Variants in ARID1B observed in about 807,000 individuals in gnomAD.
The protein encoded by ARID1B is AT-rich interactive domain-containing protein 1B.
In ARID1B, 30 loss-of-function variants were observed where a neutral mutation model predicts 212.3. That is an observed-to-expected ratio of 0.14 (90% CI 0.11 to 0.19). The LOEUF (loss-of-function observed/expected upper bound fraction) is 0.19, where lower values mean the gene tolerates loss of function less well. Among genes scored for constraint, ARID1B ranks in the 10% least tolerant of loss-of-function variants. ARID1B has a pLI of 1.00. For missense variants in ARID1B, 2,891 were observed against 3,204.0 expected, an observed-to-expected ratio of 0.90 and a Z score of 2.36; for synonymous variants, 1,402 against 1,301.7, an observed-to-expected ratio of 1.08 and a Z score of -1.66.
At chr6:157,037,345 G>C (rs1302327855) in intron 4 of ARID1B, among the ~76,000 whole-genome samples, 1 of 152,188 alleles carries the variant, frequency 6.6e-6, no homozygotes, top group Non-Finnish European at 1.5e-5. Context: ...ATGACCAGCT[G>C]ACAGATCTAA....
chr6:156,826,302 A>G (rs1782736125), intron 1 of ARID1B, among the ~76,000 whole-genome samples: 1 of 152,190 alleles, frequency 6.6e-6, no homozygotes, highest in Admixed American at 6.5e-5. Context: ...TCCTATAGGA[A>G]GCCTTTGTTA....
intron 3 of ARID1B, among the ~76,000 whole-genome samples, chr6:156,919,607 A>G (rs1790623693): frequency 6.6e-6 from 1 of 152,242 alleles, no homozygotes; most frequent in Non-Finnish European, 1.5e-5. Flanking sequence ...AATGTGGAGG[A>G]GATCACATCA....
intron 4 of ARID1B, among the ~76,000 whole-genome samples, chr6:157,077,936 T>G (rs1393127245): frequency 2.0e-5 from 3 of 152,166 alleles, no homozygotes; most frequent in Admixed American, 2.0e-4. Context: ...TTATTCAGTA[T>G]CTCACTTTTT....
intron 4 of ARID1B, among the ~76,000 whole-genome samples, chr6:157,011,219 A>G (rs1253145559): frequency 1.3e-5 from 2 of 152,224 alleles, no homozygotes; most frequent in Non-Finnish European, 2.9e-5. Flanking sequence ...AAGCATGTAT[A>G]TATTATCGAC....
intron 4 of ARID1B, among the ~76,000 whole-genome samples, chr6:157,056,859 T>A (rs988305100): frequency 2.0e-5 from 3 of 151,438 alleles, no homozygotes; most frequent in African/African-American, 7.3e-5. Context: ...TAACTTTTTT[T>A]GTTAAAACTT....
chr6:157,175,163 ATAT>A (rs1792014769), intron 11 of ARID1B, 158 bp downstream of exon 11: 1 of 605,924 alleles, frequency 1.7e-6, no homozygotes, highest in East Asian at 3.8e-5. Flanking sequence ...ATAAATAATA[ATAT>A]TAGTGACAAA....
chr6:156,878,053 C>A (rs1448805929), intron 2 of ARID1B, among the ~76,000 whole-genome samples: 1 of 152,048 alleles, frequency 6.6e-6, no homozygotes, highest in Non-Finnish European at 1.5e-5. Context: ...TACGTAAGAT[C>A]TTTTGAAGGG....
chr6:157,208,091 A>AT lies in ARID1B; in HGVS notation c.*201dup. 2 of 557,736 alleles carry AT rather than the reference A, an allele frequency of 3.6e-6. No individual in the cohort carries two copies. The highest frequency in any genetic ancestry group is 6.8e-5 in the East Asian group (2 of 29,244). 34.5% of individuals were successfully genotyped at this position (557,736 alleles called of 1,614,324 possible). ...AAATTAATATTTGCTGTCTGTGTGT[A>AT]TAAGTACATCCTTTGGGGTTTTTTT... is the stretch of plus-strand genomic sequence containing the variant. On this transcript the variant is annotated 3_prime_UTR_variant, in exon 20 of 20. Transcript: ENST00000636930.
intron 6 of ARID1B, among the ~76,000 whole-genome samples, chr6:157,125,340 G>A (rs956851540): frequency 6.6e-6 from 1 of 152,230 alleles, no homozygotes; most frequent in Non-Finnish European, 1.5e-5. Flanking sequence ...GGCTTTTCTT[G>A]TGGTGTGGGT....
intron 4 of ARID1B, among the ~76,000 whole-genome samples, chr6:156,997,489 G>A (rs371206411): frequency 1.2e-4 from 18 of 151,992 alleles, no homozygotes; most frequent in African/African-American, 2.9e-4. Context: ...TATAGCTTTC[G>A]GGATGTTTTC....
intron 3 of ARID1B, among the ~76,000 whole-genome samples, chr6:156,911,338 G>GTTTTTTTTTTTTTTTT (rs57374747): frequency 9.5e-6 from 1 of 105,362 alleles, no homozygotes; most frequent in Admixed American, 1.0e-4. Context: ...TAAATAATTA[G>GTTTTTTTTTTTTTTTT]TTTTTTTTTT....
At chr6:157,066,759 T>C (rs545403605) in intron 4 of ARID1B, among the ~76,000 whole-genome samples, 3 of 152,198 alleles carry the variant, frequency 2.0e-5, no homozygotes, top group Non-Finnish European at 4.4e-5. Context: ...CTTGTTTTGC[T>C]AGGAGAGGAA....
chr6:156,916,795 C>T (rs778777053), intron 3 of ARID1B, among the ~76,000 whole-genome samples: 5 of 152,164 alleles, frequency 3.3e-5, no homozygotes, highest in Non-Finnish European at 7.3e-5. Context: ...ACTTACTCTC[C>T]TAAGATACTG....
At chr6:157,154,586 T>G (rs1172593326) in intron 8 of ARID1B, among the ~76,000 whole-genome samples, 12 of 142,208 alleles carry the variant, frequency 8.4e-5, no homozygotes, top group East Asian at 3.9e-4. Context: ...TTTTGTTTTT[T>G]TTTTTTTTTT....
chr6:157,102,991 G>A (rs934524443), intron 5 of ARID1B, among the ~76,000 whole-genome samples: 5 of 152,088 alleles, frequency 3.3e-5, no homozygotes, highest in Non-Finnish European at 7.4e-5. Flanking sequence ...ACCTGTTTTG[G>A]CAAATAAAGT....
At chr6:156,937,590 G>A (rs1330044288) in intron 4 of ARID1B, 1 of 152,184 alleles carries the variant, frequency 6.6e-6, no homozygotes, top group African/African-American at 2.4e-5. Context: ...TTGACATTCA[G>A]CTAACTCTAC....
chr6:157,030,940 G>C (rs17088047), intron 4 of ARID1B, among the ~76,000 whole-genome samples: 49,218 of 151,930 alleles, frequency 0.32, 8,139 homozygotes, highest in African/African-American at 0.36. Flanking sequence ...GCTGGCTAAC[G>C]GTGCACTGAG....
At chr6:157,167,354 G>A in intron 9 of ARID1B, 169 bp downstream of exon 9, 1 of 647,188 alleles carries the variant, frequency 1.5e-6, no homozygotes, top group South Asian at 2.8e-5. Flanking sequence ...TTTAAGACTT[G>A]AGAATTACAT....
At chr6:156,810,873 A>C (rs773254697) in intron 1 of ARID1B, among the ~76,000 whole-genome samples, 3 of 152,238 alleles carry the variant, frequency 2.0e-5, no homozygotes, top group Non-Finnish European at 2.9e-5. Context: ...CTGTTGCTGC[A>C]TAACACATTG....
Sources: allele counts gnomAD v4.1 joint callset (sites outside exome capture counted in the v4.1 genomes callset), GRCh38; gene constraint gnomAD v4.1.1; transcripts MANE v1.5; gene names NCBI Gene and HGNC (gene_info 2026-07-23, HGNC 2026-07-21).